The following PCCA variants were observed in gnomAD, a reference collection of about 807,000 sequenced individuals.
PCCA encodes propionyl-CoA carboxylase alpha chain, mitochondrial.
PCCA carries 74 observed loss-of-function variants against 101.3 expected under a neutral mutation model. The observed-to-expected ratio is 0.73, with a 90% CI of 0.61 to 0.89. The LOEUF (loss-of-function observed/expected upper bound fraction) is 0.89. Ranked by LOEUF, PCCA falls within the 40% of genes least tolerant of loss-of-function variation. The pLI is 0.00. For synonymous variants in PCCA, 294 were observed against 313.6 expected, an observed-to-expected ratio of 0.94 and a Z score of 0.66; for missense variants, 891 against 907.0, an observed-to-expected ratio of 0.98 and a Z score of 0.23.
chr13:100,367,634 G>A (rs1011848594), intron 18 of PCCA, among the ~76,000 whole-genome samples: 12 of 134,922 alleles, frequency 8.9e-5, no homozygotes, highest in African/African-American at 3.0e-4. Context: ...AATAAGTATA[G>A]TTTTTTTTTT....
At chr13:100,487,817 C>CT (rs1460107520) in intron 21 of PCCA, among the ~76,000 whole-genome samples, 1 of 151,946 alleles carries the variant, frequency 6.6e-6, no homozygotes, top group African/African-American at 2.4e-5. Flanking sequence ...CTCAAAACTC[C>CT]TGGGCTCAAG....
intron 22 of PCCA, among the ~76,000 whole-genome samples, chr13:100,516,907 G>A (rs1471940995): frequency 2.0e-5 from 3 of 152,134 alleles, no homozygotes; most frequent in African/African-American, 7.2e-5. Flanking sequence ...GACTAGATAT[G>A]TAGGTTCGTA....
chr13:100,523,021 T>C (rs975191831), intron 22 of PCCA, among the ~76,000 whole-genome samples: 4 of 152,318 alleles, frequency 2.6e-5, no homozygotes, highest in Middle Eastern at 3.4e-3. Flanking sequence ...TGGTCTTTTT[T>C]CCCCCGTTCT....
chr13:100,348,768 CTTT>C (rs2072729162), intron 18 of PCCA, among the ~76,000 whole-genome samples: 9 of 94,678 alleles, frequency 9.5e-5, no homozygotes, highest in East Asian at 8.0e-4. Context: ...TTCTTTCTTT[CTTT>C]CTTTCTTTCT....
intron 21 of PCCA, among the ~76,000 whole-genome samples, chr13:100,496,339 G>A (rs1326510069): frequency 6.6e-6 from 1 of 152,152 alleles, no homozygotes; most frequent in Non-Finnish European, 1.5e-5. Context: ...CTGTCCTGTT[G>A]GTCTCCTGAA....
intron 22 of PCCA, among the ~76,000 whole-genome samples, chr13:100,523,334 A>G (rs2087459574): frequency 6.6e-6 from 1 of 152,120 alleles, no homozygotes; most frequent in Non-Finnish European, 1.5e-5. Context: ...ATGGAACTTG[A>G]TAGATTTCCA....
At chr13:100,516,736 CGTGTGTGTGT>C (rs3840000) in intron 22 of PCCA, among the ~76,000 whole-genome samples, 7 of 144,972 alleles carry the variant, frequency 4.8e-5, no homozygotes, top group Non-Finnish European at 9.1e-5. Flanking sequence ...AGAAAAATTA[CGTGTGTGTGT>C]GTGTGTGTGT....
chr13:100,367,504 T>A (rs558684093), intron 18 of PCCA, among the ~76,000 whole-genome samples: 1 of 152,250 alleles, frequency 6.6e-6, no homozygotes, highest in African/African-American at 2.4e-5. Context: ...TGTGTGAATG[T>A]GCTTTATTTT....
Position 100,301,570 on chromosome 13 carries a change from C to T in PCCA, c.1176C>T (p.Asn392=), listed in dbSNP as rs138597181. 20 of 1,613,904 alleles carry T rather than the reference C, an allele frequency of 1.2e-5. No individual in the cohort carries two copies. The highest frequency in any genetic ancestry group is 8.9e-5 in the East Asian group (4 of 44,878). The change falls in exon 13 of 24, where the codon AAC becomes AAT. Residue 392 remains asparagine, a synonymous_variant. Transcript: ENST00000376285. ...LRHKQADIRI[N]GWAVECRVYA... is the part of the protein sequence containing the mutation. ...ACAAACAAGCTGATATTCGCATCAA[C>T]GGCTGGGCAGTTGAATGTCGGGTTT...
rs768703749 is a variant in PCCA, at chr13:100,309,905, C to T, written c.1426C>T (p.Arg476Ter). The T allele has an allele frequency of 3.1e-6, 5 of 1,608,224 alleles. No homozygotes were observed. The highest frequency in any genetic ancestry group is 3.4e-6 in the Non-Finnish European group (4 of 1,174,976). The change falls in exon 16 of 24, where the codon CGA becomes TGA. Residue 476 changes from arginine (R) to a stop codon, truncating the protein, a stop_gained. Transcript: ENST00000376285. LOFTEE classifies it high-confidence loss of function. ...AGATGCACTGGATAACTATGTTATTCGAGGTAAAAACAAAGATTTGCACTC... is the reference window on the plus strand; with the variant it reads ...AGATGCACTGGATAACTATGTTATTTGAGGTAAAAACAAAGATTTGCACTC... ...MADALDNYVIRGVTHNIALLR... is the reference protein window; with the variant it reads ...MADALDNYVI
chr13:100,280,665 G>C (rs541426301), intron 12 of PCCA, among the ~76,000 whole-genome samples: 1 of 152,286 alleles, frequency 6.6e-6, no homozygotes, highest in South Asian at 2.1e-4. Flanking sequence ...GTGTATTCTA[G>C]TAGTCCCCCT....
chr13:100,376,291 G>C (rs1454644645), intron 19 of PCCA, among the ~76,000 whole-genome samples: 1 of 152,206 alleles, frequency 6.6e-6, no homozygotes, highest in Non-Finnish European at 1.5e-5. Context: ...GTCAATCCCT[G>C]CGGGGGGGTG....
At chr13:100,403,253 T>C (rs1012160208) in intron 19 of PCCA, among the ~76,000 whole-genome samples, 6 of 152,032 alleles carry the variant, frequency 3.9e-5, no homozygotes, top group African/African-American at 1.5e-4. Flanking sequence ...ATGAGAGAGA[T>C]GTCAGGTAAT....
intron 19 of PCCA, 131 bp downstream of exon 19, chr13:100,368,705 G>A (rs2075378832): frequency 4.6e-6 from 3 of 654,246 alleles, no homozygotes; most frequent in Admixed American, 2.8e-5. Context: ...ATCTTCTTTA[G>A]GAAGCTGAAT....
intron 2 of PCCA, among the ~76,000 whole-genome samples, chr13:100,110,774 C>T (rs184385579): frequency 1.3e-4 from 20 of 152,118 alleles, no homozygotes; most frequent in African/African-American, 4.6e-4. Flanking sequence ...AATAAATTGT[C>T]AAGTAATTTT....
chr13:100,458,934 G>T (rs2081989166), intron 21 of PCCA, among the ~76,000 whole-genome samples: 1 of 152,242 alleles, frequency 6.6e-6, no homozygotes, highest in South Asian at 2.1e-4. Flanking sequence ...TAAAATAACA[G>T]AAATGTGTTC....
chr13:100,266,692 C>T (rs1272340307), intron 10 of PCCA, among the ~76,000 whole-genome samples: 1 of 152,076 alleles, frequency 6.6e-6, no homozygotes, highest in Non-Finnish European at 1.5e-5. Context: ...ATACTATGTC[C>T]TTTCCACAAT....
intron 11 of PCCA, among the ~76,000 whole-genome samples, chr13:100,271,669 A>G (rs2152575928): frequency 6.6e-6 from 1 of 152,346 alleles, no homozygotes; most frequent in East Asian, 1.9e-4. Context: ...GTATAAAGAT[A>G]TTTATGAGAT....
intron 7 of PCCA, among the ~76,000 whole-genome samples, chr13:100,225,884 C>T (rs1464032007): frequency 6.6e-6 from 1 of 152,032 alleles, no homozygotes; most frequent in Non-Finnish European, 1.5e-5. Flanking sequence ...CACCACCTTC[C>T]GGTTTCAAGT....
Sources: gnomAD v4.1 joint callset for allele counts (sites outside exome capture counted in the v4.1 genomes callset) on GRCh38, gnomAD v4.1.1 for gene constraint, MANE v1.5 for transcripts, NCBI Gene and HGNC (gene_info 2026-07-23, HGNC 2026-07-21) for gene names.